Variants in ZNF410 observed in about 807,000 individuals in gnomAD.
The protein encoded by ZNF410 is another partner for ARF 1.
In ZNF410, 18 loss-of-function variants were observed where a neutral mutation model predicts 54.8. The observed-to-expected ratio is 0.33, with a 90% CI of 0.23 to 0.49. The LOEUF is 0.49. Ranked by LOEUF, ZNF410 falls within the 20% of genes least tolerant of loss-of-function variation. The probability of loss-of-function intolerance (pLI) is 0.99; values close to 1 mark genes in which losing one functional copy is unlikely to be tolerated. For synonymous variants in ZNF410, 191 were observed against 207.3 expected (o/e 0.92, Z 0.68); for missense variants, 405 against 569.6 (o/e 0.71, Z 2.94).
chr14:73,918,686 CTTTTTTTTTTTTTTTTTTTT>C (rs71115932), intron 8 of ZNF410, among the ~76,000 whole-genome samples: 1 of 74,644 alleles, frequency 1.3e-5, no homozygotes, highest in Non-Finnish European at 2.3e-5. Context: ...TTCATATGGC[CTTTTTTTTTTTTTTTTTTTT>C]TTTTTTTTCC....
intron 11 of ZNF410, among the ~76,000 whole-genome samples, chr14:73,926,322 A>G (rs542344018): frequency 1.1e-4 from 17 of 152,284 alleles, no homozygotes; most frequent in African/African-American, 3.9e-4. Flanking sequence ...TCAGGATTCA[A>G]ACAATGTCTG....
chr14:73,906,004 CT>C (rs1248865870), intron 7 of ZNF410, among the ~76,000 whole-genome samples: 117 of 114,614 alleles, frequency 1.0e-3, no homozygotes, highest in Admixed American at 1.3e-3. Context: ...TACACACATA[CT>C]TTTTTTTTTT....
intron 8 of ZNF410, chr14:73,913,804 A>G (rs1368081541): frequency 8.9e-6 from 1 of 112,238 alleles, no homozygotes; most frequent in Non-Finnish European, 2.0e-5. Flanking sequence ...TTTTGTAGAA[A>G]TGGAGTCTTT....
chr14:73,903,778 A>AG, intron 5 of ZNF410, 182 bp from the exon 6 acceptor site: 1 of 764,352 alleles, frequency 1.3e-6, no homozygotes, highest in Non-Finnish European at 2.0e-6. Flanking sequence ...TTGGGATTAT[A>AG]GGTGTGAGCA....
chr14:73,905,237 C>T, intron 7 of ZNF410, 154 bp downstream of exon 7: 1 of 729,160 alleles, frequency 1.4e-6, no homozygotes, highest in South Asian at 2.3e-5. Flanking sequence ...TGACTTGTTG[C>T]ACTTATAATA....
chr14:73,930,465 A>G (rs762795212), intron 11 of ZNF410, among the ~76,000 whole-genome samples: 3 of 151,310 alleles, frequency 2.0e-5, no homozygotes, highest in Admixed American at 6.6e-5. Flanking sequence ...GCCCAGCCCA[A>G]TCATTAAATT....
intron 8 of ZNF410, chr14:73,913,529 C>T (rs1846192365): frequency 6.6e-6 from 1 of 152,228 alleles, no homozygotes; most frequent in Non-Finnish European, 1.5e-5. Context: ...TATAAGGTCA[C>T]CAGCTATGCA....
intron 7 of ZNF410, 40 bp from the exon 8 acceptor site, chr14:73,909,301 C>T (rs959941468): frequency 3.2e-6 from 5 of 1,542,494 alleles, no homozygotes; most frequent in Non-Finnish European, 3.6e-6. Context: ...GTAATCAGTT[C>T]ATCAGAAGAC....
intron 11 of ZNF410, among the ~76,000 whole-genome samples, chr14:73,926,006 C>A (rs2055824298): frequency 6.6e-6 from 1 of 152,168 alleles, no homozygotes; most frequent in African/African-American, 2.4e-5. Flanking sequence ...TGTACTCCAG[C>A]CTGGGTGACA....
At chr14:73,888,603 G>T (rs1359658753) in intron 1 of ZNF410, among the ~76,000 whole-genome samples, 1 of 152,158 alleles carries the variant, frequency 6.6e-6, no homozygotes, top group East Asian at 1.9e-4. Context: ...CTCTTTAAAT[G>T]AGTCAATAGT....
Position 73,931,564 on chromosome 14 carries a change from G to A in ZNF410, c.*23G>A, listed in dbSNP as rs2055915994. On this transcript the variant is annotated 3_prime_UTR_variant, in exon 12 of 12. Transcript: ENST00000555044. ...TGAGCGTGGGTGCTGACTCCTGGAA[G>A]AGCAACTCTATCTGATCTCAAAATG... The A allele has an allele frequency of 1.2e-6, 2 of 1,609,612 alleles. No individual in the cohort carries two copies. Among genetic ancestry groups the A allele is most frequent in the Non-Finnish European group, 1.7e-6 (2 of 1,177,858 alleles).
intron 7 of ZNF410, among the ~76,000 whole-genome samples, chr14:73,906,001 A>T (rs911705495): frequency 2.8e-5 from 4 of 143,412 alleles, no homozygotes; most frequent in African/African-American, 1.0e-4. Flanking sequence ...ATATACACAC[A>T]TACTTTTTTT....
At chr14:73,901,987 T>G (rs2055414894) in intron 5 of ZNF410, among the ~76,000 whole-genome samples, 1 of 151,148 alleles carries the variant, frequency 6.6e-6, no homozygotes, top group African/African-American at 2.4e-5. Context: ...TAACAGACCT[T>G]TCATTAGAAA....
At chr14:73,902,272 A>T (rs1266944972) in intron 5 of ZNF410, 2 of 151,190 alleles carry the variant, frequency 1.3e-5, no homozygotes, top group African/African-American at 2.4e-5. Flanking sequence ...ACGGGGTTTC[A>T]CTGTGTTAGC....
chr14:73,889,948 C>T (rs1404163115), intron 1 of ZNF410, among the ~76,000 whole-genome samples: 1 of 151,884 alleles, frequency 6.6e-6, no homozygotes, highest in Non-Finnish European at 1.5e-5. Flanking sequence ...AGGCACATGC[C>T]ACCACACCTA....
chr14:73,905,826 A>G (rs1029026371), intron 7 of ZNF410, among the ~76,000 whole-genome samples: 1 of 151,850 alleles, frequency 6.6e-6, no homozygotes, highest in African/African-American at 2.4e-5. Context: ...AGGCATATAT[A>G]TGGCATATAT....
chr14:73,931,426 T>C, intron 11 of ZNF410, 77 bp from the exon 12 acceptor site: 8 of 1,343,436 alleles, frequency 6.0e-6, no homozygotes, highest in Non-Finnish European at 8.4e-6. Flanking sequence ...CCTCCACTCT[T>C]AATACTTTTT....
chr14:73,925,151 G>T (rs1399495945), intron 11 of ZNF410, among the ~76,000 whole-genome samples: 1 of 109,286 alleles, frequency 9.2e-6, no homozygotes, highest in African/African-American at 3.1e-5. Context: ...TTTTATTGTT[G>T]TGACCCATTG....
chr14:73,927,089 A>ATT (rs113156661), intron 11 of ZNF410: 16,104 of 151,638 alleles, frequency 0.11, 1,226 homozygotes, highest in East Asian at 0.43. Context: ...GTTTATTATG[A>ATT]TTTTTTTTTT....
Sources: allele counts gnomAD v4.1 joint callset (sites outside exome capture counted in the v4.1 genomes callset), GRCh38; gene constraint gnomAD v4.1.1; transcripts MANE v1.5; gene names NCBI Gene and HGNC (gene_info 2026-07-23, HGNC 2026-07-21).